DNAJB6: variants seen among roughly 807,000 people sequenced by gnomAD.
DNAJB6 encodes dnaJ homolog subfamily B member 6.
A neutral mutation model predicts 42.7 loss-of-function variants in DNAJB6; 16 were observed. The observed-to-expected ratio is 0.37, with a 90% CI of 0.25 to 0.57. The LOEUF (loss-of-function observed/expected upper bound fraction) is 0.57, where lower values mean the gene tolerates loss of function less well. DNAJB6 is among the 20% of genes least tolerant of loss of function. The pLI is 0.74. For missense variants in DNAJB6, 347 were observed against 416.8 expected (o/e 0.83, Z 1.46); for synonymous variants, 170 against 163.5 (o/e 1.04, Z -0.30).
chr7:157,405,941 A>C (rs983897987), intron 8 of DNAJB6, among the ~76,000 whole-genome samples: 3 of 152,260 alleles, frequency 2.0e-5, no homozygotes, highest in African/African-American at 7.2e-5. Flanking sequence ...TCCACAGTGC[A>C]GGTTAGAACC....
intron 1 of DNAJB6, among the ~76,000 whole-genome samples, chr7:157,351,634 A>AAAC (rs199667104): frequency 0.15 from 14,566 of 99,332 alleles, 796 homozygotes; most frequent in Non-Finnish European, 0.19. Context: ...CTCTGTCTCA[A>AAAC]AACAACAACA....
chr7:157,396,018 G>C (rs955387734), intron 8 of DNAJB6, among the ~76,000 whole-genome samples: 45 of 151,184 alleles, frequency 3.0e-4, no homozygotes, highest in African/African-American at 1.1e-3. Context: ...AGTGAACTCG[G>C]CTCACTGCAA....
rs559534669 is a variant in DNAJB6, at chr7:157,390,706, C to T, written c.691+5095C>T. ...TCTGAGAGGTGACCTTTTCCTCTGCCTTCCCACAGCTGCCCTGAGTTGGCA... is the reference window on the plus strand; with the variant it reads ...TCTGAGAGGTGACCTTTTCCTCTGCTTTCCCACAGCTGCCCTGAGTTGGCA... On this transcript the variant is annotated intron_variant, in intron 8 of 9. Transcript: ENST00000262177. 3.9e-4 allele frequency among the ~76,000 whole-genome samples: 59 copies of T among 152,306 alleles called. 1 individual carries two copies. The highest frequency in any genetic ancestry group is 3.5e-3 in the Admixed American group (54 of 15,298).
At chr7:157,393,378 AT>A (rs1225290859) in intron 8 of DNAJB6, among the ~76,000 whole-genome samples, 2 of 152,256 alleles carry the variant, frequency 1.3e-5, no homozygotes, top group Admixed American at 6.5e-5. Context: ...TGATATAAGT[AT>A]TTTTGTCTTG....
At chr7:157,398,459 A>G (rs1801700490) in intron 8 of DNAJB6, among the ~76,000 whole-genome samples, 1 of 152,124 alleles carries the variant, frequency 6.6e-6, no homozygotes, top group African/African-American at 2.4e-5. Flanking sequence ...TATCTGCAGG[A>G]GTTTGTTTTC....
intron 8 of DNAJB6, among the ~76,000 whole-genome samples, chr7:157,396,741 A>G (rs1035758277): frequency 1.3e-5 from 2 of 152,098 alleles, no homozygotes; most frequent in African/African-American, 2.4e-5. Flanking sequence ...GGTATCGTAT[A>G]TTGTGAGTTC....
At chr7:157,342,334 T>A (rs13245438) in intron 1 of DNAJB6, among the ~76,000 whole-genome samples, 15 of 4,866 alleles carry the variant, frequency 3.1e-3, no homozygotes, top group African/African-American at 0.016. Context: ...TCCTGGCTAA[T>A]TTTTTTTTTT....
intron 3 of DNAJB6, among the ~76,000 whole-genome samples, chr7:157,364,234 A>AG (rs139095902): frequency 0.021 from 3,233 of 152,264 alleles, 43 homozygotes; most frequent in East Asian, 0.055. Flanking sequence ...ACCAATCAGA[A>AG]GGAACCCAGT....
chr7:157,342,220 T>C (rs1387996087), intron 1 of DNAJB6, among the ~76,000 whole-genome samples: 1 of 151,836 alleles, frequency 6.6e-6, no homozygotes, highest in Non-Finnish European at 1.5e-5. Flanking sequence ...CAGACTGGAG[T>C]GCAGTGGCGT....
intron 5 of DNAJB6, chr7:157,369,191 C>T (rs888064697): frequency 6.9e-6 from 3 of 437,864 alleles, no homozygotes; most frequent in African/African-American, 6.1e-5. Flanking sequence ...CTGCTGCCAT[C>T]AGCAGAAACA....
At chr7:157,412,392 T>TACATG (rs1446863567) in intron 9 of DNAJB6, 2 of 152,178 alleles carry the variant, frequency 1.3e-5, no homozygotes, top group African/African-American at 4.8e-5. Context: ...CGAACAACTG[T>TACATG]ACATGCTTAC....
chr7:157,395,628 T>A (rs930237504), intron 8 of DNAJB6, among the ~76,000 whole-genome samples: 1 of 152,200 alleles, frequency 6.6e-6, no homozygotes, highest in Non-Finnish European at 1.5e-5. Flanking sequence ...AAAATAAAAT[T>A]TTGTGAATAT....
At chr7:157,406,766 C>T (rs1795781657) in intron 8 of DNAJB6, among the ~76,000 whole-genome samples, 1 of 152,232 alleles carries the variant, frequency 6.6e-6, no homozygotes. Context: ...TCTGAGGAGA[C>T]GACACAGGGA....
At chr7:157,392,142 A>G (rs535038968) in intron 8 of DNAJB6, among the ~76,000 whole-genome samples, 1 of 151,044 alleles carries the variant, frequency 6.6e-6, no homozygotes, top group African/African-American at 2.4e-5. Context: ...GATTTCTTAG[A>G]AGGAGTCTTC....
chr7:157,363,270 G>T lies in DNAJB6; in HGVS notation c.175G>T (p.Ala59Ser). ...VAEAYEVLSD[A>S]KKRDIYDKYG... ...GGAGGCATATGAAGTGCTGTCGGAT[G>T]GTGAGTGACAGCGAGCTGCTGAAGG... The change falls in exon 3 of 10, where the codon GCT becomes TCT. Residue 59 changes from alanine (A) to serine (S), a missense_variant and splice_region_variant. This residue lies in a region of DNAJB6 where 78 missense variants were observed against 102.1 expected (regional missense o/e 0.76). Coordinates refer to ENST00000262177, the MANE Select transcript of DNAJB6 (RefSeq NM_058246.4). 2 of 1,602,580 alleles carry T rather than the reference G, an allele frequency of 1.2e-6. No individual in the cohort carries two copies. Among genetic ancestry groups the T allele is most frequent in the Non-Finnish European group, 1.7e-6 (2 of 1,172,024 alleles).
intron 2 of DNAJB6, among the ~76,000 whole-genome samples, chr7:157,360,009 A>G (rs1799497732): frequency 6.6e-6 from 1 of 152,226 alleles, no homozygotes; most frequent in Non-Finnish European, 1.5e-5. Flanking sequence ...CTTATCAGTA[A>G]TGTTAACAGC....
At chr7:157,384,736 T>A in intron 6 of DNAJB6, 131 bp from the exon 7 acceptor site, 2 of 851,686 alleles carry the variant, frequency 2.3e-6, no homozygotes, top group Non-Finnish European at 3.6e-6. Flanking sequence ...GCCTTGATAG[T>A]TGCGTCGTTT....
Position 157,382,040 on chromosome 7 carries a change from T to C in DNAJB6, c.347-206T>C, listed in dbSNP as rs1416262645. 1.1e-5 allele frequency: 5 copies of C among 471,856 alleles called. 1 individual carries two copies. The South Asian group carries it at 1.2e-4, about 12-fold the overall frequency. The allele number at this position is 471,856 out of a possible 1,614,324, so 29.2% of individuals were successfully genotyped here. A position where few individuals can be genotyped will look rare whatever the true frequency, so the allele number is the denominator to read the frequency against. ...GTAATTTATTTGATACAATGTATTG[T>C]AGTTTTAGTTGAATTAAACTAGTTA... On this transcript the variant is annotated intron_variant, in intron 5 of 9. Coordinates refer to ENST00000262177, the MANE Select transcript of DNAJB6 (RefSeq NM_058246.4).
chr7:157,370,322 GGGCCCCTTCTTAACATTATTATTAAACA>G (rs1413517350), intron 5 of DNAJB6, among the ~76,000 whole-genome samples: 2 of 149,664 alleles, frequency 1.3e-5, no homozygotes, highest in African/African-American at 4.9e-5. Context: ...ATTATTAAAC[GGGCCCCTTCTTAACATTATTATTAAACA>G]GGCCGTTTCT....
Sources: allele counts gnomAD v4.1 joint callset (sites outside exome capture counted in the v4.1 genomes callset), GRCh38; gene constraint gnomAD v4.1.1; regional missense constraint gnomAD v4.1.1; transcripts MANE v1.5; gene names NCBI Gene and HGNC (gene_info 2026-07-23, HGNC 2026-07-21).